PTPRD: variants seen among roughly 807,000 people sequenced by gnomAD.
PTPRD encodes the protein protein tyrosine phosphatase receptor type D, also known as receptor-type tyrosine-protein phosphatase delta.
A neutral mutation model predicts 214.5 loss-of-function variants in PTPRD; 34 were observed. That is an observed-to-expected ratio of 0.16 (90% CI 0.12 to 0.21). The LOEUF (loss-of-function observed/expected upper bound fraction) is 0.21, where lower values mean the gene tolerates loss of function less well. PTPRD is among the 10% of genes least tolerant of loss of function. PTPRD has a pLI of 1.00. For missense variants in PTPRD, 2,545 were observed against 2,398.7 expected, an observed-to-expected ratio of 1.06 and a Z score of -1.27; for synonymous variants, 1,128 against 845.7, an observed-to-expected ratio of 1.33 and a Z score of -5.79.
At chr9:9,224,388 T>A (rs1003258289) in intron 9 of PTPRD, among the ~76,000 whole-genome samples, 15 of 152,150 alleles carry the variant, frequency 9.9e-5, no homozygotes, top group Admixed American at 7.9e-4. Flanking sequence ...AAACTTCATT[T>A]TCAACACAGT....
intron 5 of PTPRD, among the ~76,000 whole-genome samples, chr9:9,915,525 G>C (rs553398293): frequency 2.0e-5 from 3 of 151,092 alleles, no homozygotes; most frequent in African/African-American, 4.9e-5. Context: ...ATTAAATAAA[G>C]AGATAGATAT....
intron 21 of PTPRD, among the ~76,000 whole-genome samples, chr9:8,509,808 A>C (rs941213430): frequency 1.3e-5 from 2 of 152,106 alleles, no homozygotes; most frequent in African/African-American, 4.8e-5. Flanking sequence ...ATAATGACTT[A>C]AGTAGGCACA....
At chr9:9,657,292 G>A (rs1377495714) in intron 7 of PTPRD, among the ~76,000 whole-genome samples, 4 of 152,010 alleles carry the variant, frequency 2.6e-5, no homozygotes, top group African/African-American at 9.7e-5. Context: ...AAAAGGTCAT[G>A]TCCTTTGCAG....
intron 12 of PTPRD, among the ~76,000 whole-genome samples, chr9:8,709,501 T>A (rs1188363858): frequency 8.1e-6 from 1 of 123,664 alleles, no homozygotes; most frequent in Admixed American, 1.0e-4. Context: ...GGAGACAGAG[T>A]GAGACTCCAT....
At chr9:9,150,066 C>T (rs189619115) in intron 10 of PTPRD, among the ~76,000 whole-genome samples, 29 of 152,282 alleles carry the variant, frequency 1.9e-4, no homozygotes, top group Admixed American at 1.8e-3. Context: ...ACCGGAGTCC[C>T]TAACATGTGA....
intron 36 of PTPRD, among the ~76,000 whole-genome samples, chr9:8,401,796 A>T (rs1263692105): frequency 6.6e-6 from 1 of 152,178 alleles, no homozygotes; most frequent in African/African-American, 2.4e-5. Flanking sequence ...TTTGCAAAAT[A>T]ATGTAAGGAG....
chr9:9,760,870 G>A (rs2098649001), intron 6 of PTPRD, among the ~76,000 whole-genome samples: 1 of 152,070 alleles, frequency 6.6e-6, no homozygotes, highest in Non-Finnish European at 1.5e-5. Context: ...ATACCTATCA[G>A]AATGGCTAAA....
chr9:8,546,319 T>C (rs2080129048), intron 14 of PTPRD, among the ~76,000 whole-genome samples: 1 of 152,200 alleles, frequency 6.6e-6, no homozygotes, highest in Non-Finnish European at 1.5e-5. Context: ...TTTGTTATAA[T>C]TCGACAGATT....
At chr9:8,590,025 T>G (rs534854527) in intron 14 of PTPRD, among the ~76,000 whole-genome samples, 2 of 152,196 alleles carry the variant, frequency 1.3e-5, no homozygotes, top group South Asian at 2.1e-4. Context: ...GTTATGAACG[T>G]CGGTTTTTGC....
chr9:9,862,784 T>C (rs889889017), intron 5 of PTPRD, among the ~76,000 whole-genome samples: 2 of 152,104 alleles, frequency 1.3e-5, no homozygotes, highest in Non-Finnish European at 2.9e-5. Context: ...AAAGTATGTA[T>C]TGGATTTTTA....
intron 36 of PTPRD, among the ~76,000 whole-genome samples, chr9:8,396,770 C>T (rs571187223): frequency 3.9e-5 from 6 of 152,154 alleles, no homozygotes; most frequent in African/African-American, 1.2e-4. Flanking sequence ...AGAAAGATGC[C>T]ATTTACACAG....
intron 10 of PTPRD, among the ~76,000 whole-genome samples, chr9:9,028,778 G>A (rs576033880): frequency 3.9e-5 from 6 of 152,036 alleles, no homozygotes; most frequent in Admixed American, 6.6e-5. Flanking sequence ...CAGCTAATGC[G>A]TCTCATGAGA....
chr9:8,922,223 T>C lies in PTPRD; in HGVS notation c.-104+96474A>G, dbSNP rs374805910. ...TTTTCTCTATTAAGTCCAGTGTTAATATATATTTTTGTTACAGAAATTTTT... is the reference window on the plus strand; with the variant it reads ...TTTTCTCTATTAAGTCCAGTGTTAACATATATTTTTGTTACAGAAATTTTT... On this transcript the variant is annotated intron_variant, in intron 11 of 45. Transcript: ENST00000381196. Among the ~76,000 whole-genome samples, 152 of 152,318 alleles carry C rather than the reference T, an allele frequency of 1.0e-3. 2 individuals carry two copies. In the South Asian group the frequency reaches 0.03, roughly 30 times the overall value.
chr9:8,365,980 G>A (rs550107528), intron 39 of PTPRD, among the ~76,000 whole-genome samples: 20 of 152,252 alleles, frequency 1.3e-4, no homozygotes, highest in African/African-American at 4.6e-4. Flanking sequence ...AGTGTTTTGG[G>A]TTGGTATTTG....
chr9:8,404,806 A>G (rs1178839485), intron 35 of PTPRD, 146 bp from the exon 36 acceptor site: 1 of 993,756 alleles, frequency 1.0e-6, no homozygotes, highest in Non-Finnish European at 1.4e-6. Flanking sequence ...GAAGCTGAAC[A>G]CTAATGTAAC....
intron 11 of PTPRD, among the ~76,000 whole-genome samples, chr9:8,898,897 T>C (rs1362493055): frequency 6.6e-6 from 1 of 152,168 alleles, no homozygotes; most frequent in Non-Finnish European, 1.5e-5. Flanking sequence ...AAAAGACTAT[T>C]TTCATGTTTC....
intron 7 of PTPRD, among the ~76,000 whole-genome samples, chr9:9,575,142 T>A (rs924258452): frequency 7.2e-5 from 11 of 152,264 alleles, no homozygotes; most frequent in African/African-American, 2.4e-4. Context: ...ATAACATACA[T>A]CCCGATATAT....
chr9:8,922,425 T>C (rs967341614), intron 11 of PTPRD, among the ~76,000 whole-genome samples: 4 of 152,222 alleles, frequency 2.6e-5, no homozygotes, highest in Non-Finnish European at 5.9e-5. Flanking sequence ...TCCATGGTCG[T>C]ATCCCTTACC....
At chr9:8,481,139 CAAAAAAAAAAA>C (rs34451513) in intron 30 of PTPRD, among the ~76,000 whole-genome samples, 5 of 39,436 alleles carry the variant, frequency 1.3e-4, no homozygotes, top group Admixed American at 3.4e-4. Flanking sequence ...GACTCCGTCT[CAAAAAAAAAAA>C]AAAAAAAAAA....
Sources: gnomAD v4.1 joint callset for allele counts (sites outside exome capture counted in the v4.1 genomes callset) on GRCh38, gnomAD v4.1.1 for gene constraint, MANE v1.5 for transcripts, NCBI Gene and HGNC (gene_info 2026-07-23, HGNC 2026-07-21) for gene names.